The following ATP10B variants were observed in gnomAD, a reference collection of about 807,000 sequenced individuals.
ATP10B encodes ATPase phospholipid transporting 10B (putative).
ATP10B carries 122 observed loss-of-function variants against 141.2 expected under a neutral mutation model. That is an observed-to-expected ratio of 0.86 (90% CI 0.75 to 1.00). ATP10B has a LOEUF of 1.00. Ranked by LOEUF, ATP10B falls within the 50% of genes least tolerant of loss-of-function variation. The probability of loss-of-function intolerance (pLI) is 0.00; values close to 1 mark genes in which losing one functional copy is unlikely to be tolerated. For synonymous variants in ATP10B, 685 were observed against 692.0 expected (o/e 0.99, Z 0.16); for missense variants, 1,876 against 1,825.3 (o/e 1.03, Z -0.51).
chr5:160,636,697 C>T (rs1314223158), intron 10 of ATP10B, among the ~76,000 whole-genome samples: 4 of 152,008 alleles, frequency 2.6e-5, no homozygotes, highest in Non-Finnish European at 5.9e-5. Flanking sequence ...CCCTAGTCTT[C>T]CCCTTCTTAT....
At chr5:160,805,065 A>G (rs1772682280) in intron 1 of ATP10B, among the ~76,000 whole-genome samples, 1 of 152,260 alleles carries the variant, frequency 6.6e-6, no homozygotes, top group Non-Finnish European at 1.5e-5. Flanking sequence ...AACCTGTGCT[A>G]TTCAAGGGTC....
chr5:160,719,339 G>T (rs1483164907), intron 2 of ATP10B, among the ~76,000 whole-genome samples: 1 of 152,248 alleles, frequency 6.6e-6, no homozygotes. Context: ...GGCAGAGCTT[G>T]CAGTAAGCCG....
intron 24 of ATP10B, among the ~76,000 whole-genome samples, chr5:160,583,131 A>G (rs575192129): frequency 2.6e-5 from 4 of 152,092 alleles, no homozygotes. Flanking sequence ...GCTGGTGAGG[A>G]GTTGTGATCT....
intron 1 of ATP10B, among the ~76,000 whole-genome samples, chr5:160,790,875 A>C (rs1297683718): frequency 1.3e-5 from 2 of 152,168 alleles, no homozygotes; most frequent in African/African-American, 4.8e-5. Context: ...CAGTGTAATC[A>C]CATGAGTCCT....
intron 3 of ATP10B, among the ~76,000 whole-genome samples, chr5:160,701,768 C>T (rs903115030): frequency 6.6e-6 from 1 of 151,292 alleles, no homozygotes; most frequent in East Asian, 1.9e-4. Flanking sequence ...AGAAGTCACC[C>T]TTTTATTCTA....
Position 160,753,370 on chromosome 5 carries a change from T to C in ATP10B, c.-331+32189A>G, listed in dbSNP as rs565850701. On this transcript the variant is annotated intron_variant, in intron 2 of 25. Transcript: ENST00000327245. Reference sequence around the variant, plus strand: ...CACCCTTGCTGTTTACGTGGAAAATTGCATGCTTGCTCCTGAGCTGGCAGG... The same window carrying C: ...CACCCTTGCTGTTTACGTGGAAAATCGCATGCTTGCTCCTGAGCTGGCAGG... Among the ~76,000 whole-genome samples, 17 of 152,330 alleles carry C rather than the reference T, an allele frequency of 1.1e-4. 1 individual carries two copies. In the South Asian group the frequency reaches 3.5e-3, roughly 32 times the overall value.
the ATP10B span, among the ~76,000 whole-genome samples, chr5:160,890,027 C>T: frequency 1.3e-5 from 2 of 152,158 alleles, no homozygotes; most frequent in East Asian, 1.9e-4. Context: ...GAAAGCCTTC[C>T]CTGACTCCCT....
chr5:160,602,945 T>C, intron 20 of ATP10B: 1 of 403,798 alleles, frequency 2.5e-6, no homozygotes, highest in Non-Finnish European at 4.6e-6. Context: ...GGCTGGCTCT[T>C]CATCCGTTTA....
At position 160,635,830 on chromosome 5, in the gene ATP10B, C is replaced by T. The variant is rs115945035; in HGVS notation, c.1128+352G>A. On this transcript the variant is annotated intron_variant, in intron 11 of 25. Transcript: ENST00000327245. ...TGTTGGGGCAGAGAGTTCTCTGTCG[C>T]TCACTGTGCTACTTTATCTTCTTTT... Among the ~76,000 whole-genome samples the T allele has an allele frequency of 2.2e-3, 342 of 152,310 alleles. 1 individual carries two copies. The highest frequency in any genetic ancestry group is 7.7e-3 in the African/African-American group (320 of 41,560).
intron 2 of ATP10B, among the ~76,000 whole-genome samples, chr5:160,738,784 C>G (rs1027688549): frequency 6.6e-6 from 1 of 152,062 alleles, no homozygotes; most frequent in Non-Finnish European, 1.5e-5. Flanking sequence ...TAGATGGCTT[C>G]ACTGGTAAGA....
intron 1 of ATP10B, among the ~76,000 whole-genome samples, chr5:160,833,994 C>T (rs879235387): frequency 6.6e-6 from 1 of 152,040 alleles, no homozygotes; most frequent in Non-Finnish European, 1.5e-5. Flanking sequence ...GGCAGTCATA[C>T]AACATGAATC....
the ATP10B span, among the ~76,000 whole-genome samples, chr5:160,919,925 T>C: frequency 6.6e-6 from 1 of 152,224 alleles, no homozygotes; most frequent in Non-Finnish European, 1.5e-5. Flanking sequence ...TTCAGTTATA[T>C]TTTAGAAATG....
intron 3 of ATP10B, among the ~76,000 whole-genome samples, chr5:160,703,451 C>T (rs1764790539): frequency 6.7e-6 from 1 of 149,870 alleles, no homozygotes; most frequent in Non-Finnish European, 1.5e-5. Context: ...AATCTTTTTG[C>T]TGTTGGAGAG....
rs58788178 is a variant in ATP10B at position 160,799,120 on chromosome 5, ATT to A, written c.-575-13319_-575-13318del. Among the ~76,000 whole-genome samples the A allele has an allele frequency of 2.0e-5, 3 of 150,908 alleles. No individual in the cohort carries two copies. In the East Asian group the frequency reaches 5.8e-4, roughly 29 times the overall value. Reference sequence around the variant, plus strand: ...GGGTGATAGGCTGTATCAAAAGCTGATTTTTTTTTTCAGGTTTGTGTTTTAAA... The same window carrying A: ...GGGTGATAGGCTGTATCAAAAGCTGATTTTTTTTCAGGTTTGTGTTTTAAA... On this transcript the variant is annotated intron_variant, in intron 1 of 25. Coordinates refer to ENST00000327245, the MANE Select transcript of ATP10B (RefSeq NM_025153.3).
At chr5:160,581,538 T>C (rs1348762298) in intron 24 of ATP10B, among the ~76,000 whole-genome samples, 2 of 152,232 alleles carry the variant, frequency 1.3e-5, no homozygotes, top group African/African-American at 2.4e-5. Context: ...TTCCATTCTT[T>C]TGTATTTGCT....
Position 160,565,589 on chromosome 5 carries a change from G to A in ATP10B, c.4250C>T (p.Ser1417Phe), listed in dbSNP as rs763110476. ...CTCCCCGGATGAGAGTTGAGCTGAG[G>A]AGTCCCCTGAGCATGAGTCATCCCT... ...CMRDDSCSGD[S>F]SAQLSSGEHL... The change falls in exon 26 of 26, where the codon TCC becomes TTC. Residue 1417 changes from serine to phenylalanine, a missense_variant. Transcript: ENST00000327245. The A allele has an allele frequency of 2.5e-6, 4 of 1,614,118 alleles. No homozygotes were observed. Among genetic ancestry groups the A allele is most frequent in the Admixed American group, 3.3e-5 (2 of 60,028 alleles).
Position 160,577,946 on chromosome 5 carries a change from AT to A in ATP10B, c.3751-8264del, listed in dbSNP as rs1006735570. ...TATTAAAAGTTTCTATACCCCTTCT[AT>A]TTTTTCATCTATTTGATCTATACCA... On this transcript the variant is annotated intron_variant, in intron 24 of 25. Transcript: ENST00000327245. 2.6e-5 allele frequency among the ~76,000 whole-genome samples: 4 copies of A among 151,740 alleles called. No homozygotes were observed. In the East Asian group the frequency reaches 5.8e-4, roughly 22 times the overall value.
At chr5:160,668,764 TTTA>T in intron 7 of ATP10B, among the ~76,000 whole-genome samples, 1 of 152,326 alleles carries the variant, frequency 6.6e-6, no homozygotes, top group Middle Eastern at 3.4e-3. Flanking sequence ...TATTCTGTTC[TTTA>T]CTTTCCTTAT....
chr5:160,699,116 T>G (rs1434823725), intron 3 of ATP10B, among the ~76,000 whole-genome samples: 1 of 152,218 alleles, frequency 6.6e-6, no homozygotes, highest in Non-Finnish European at 1.5e-5. Flanking sequence ...TTTCTTCCCT[T>G]TATTCTAAGC....
Sources: gnomAD v4.1 joint callset for allele counts (sites outside exome capture counted in the v4.1 genomes callset) on GRCh38, gnomAD v4.1.1 for gene constraint, MANE v1.5 for transcripts, NCBI Gene and HGNC (gene_info 2026-07-23, HGNC 2026-07-21) for gene names.